POLB: variants seen among roughly 807,000 people sequenced by gnomAD.
POLB encodes 5'-dRP lyase.
In POLB, 37 loss-of-function variants were observed where a neutral mutation model predicts 52.7. The observed-to-expected ratio is 0.70, with a 90% confidence interval of 0.54 to 0.92. The LOEUF is 0.92. Ranked by LOEUF, POLB falls within the 40% of genes least tolerant of loss-of-function variation. The pLI is 0.00. For missense variants in POLB, 313 were observed against 400.8 expected, an observed-to-expected ratio of 0.78 and a Z score of 1.87; for synonymous variants, 138 against 131.3, an observed-to-expected ratio of 1.05 and a Z score of -0.35.
chr8:42,364,625 G>C (rs774398639), intron 11 of POLB, among the ~76,000 whole-genome samples: 6 of 152,192 alleles, frequency 3.9e-5, no homozygotes, highest in Non-Finnish European at 8.8e-5. Context: ...TGATATGACT[G>C]AAAGGAAAGA....
At chr8:42,365,413 A>G (rs1349120159) in intron 11 of POLB, among the ~76,000 whole-genome samples, 3 of 152,190 alleles carry the variant, frequency 2.0e-5, no homozygotes, top group African/African-American at 4.8e-5. Context: ...TGCCCCATGA[A>G]CAGCCTTTTC....
chr8:42,359,060 T>C (rs1823508729), intron 9 of POLB, among the ~76,000 whole-genome samples: 1 of 152,172 alleles, frequency 6.6e-6, no homozygotes, highest in Non-Finnish European at 1.5e-5. Context: ...TTTTGGGGTA[T>C]GTTGTATGGT....
At chr8:42,352,199 C>A (rs1823013704) in intron 5 of POLB, among the ~76,000 whole-genome samples, 1 of 152,294 alleles carries the variant, frequency 6.6e-6, no homozygotes, top group Admixed American at 6.5e-5. Flanking sequence ...TTTCAGCACC[C>A]AGGAAAGTAT....
At chr8:42,356,157 T>C (rs995852960) in intron 7 of POLB, among the ~76,000 whole-genome samples, 3 of 152,240 alleles carry the variant, frequency 2.0e-5, no homozygotes, top group Non-Finnish European at 4.4e-5. Context: ...CTTCTGGCAT[T>C]ATATAGTGTT....
At chr8:42,363,527 CAAAA>C (rs1163249252) in intron 11 of POLB, among the ~76,000 whole-genome samples, 5 of 15,822 alleles carry the variant, frequency 3.2e-4, no homozygotes, top group African/African-American at 8.4e-4. Context: ...GACTCTGTCT[CAAAA>C]AAAAAAAAAA....
chr8:42,338,540 T>G lies in POLB; in HGVS notation c.-85T>G, dbSNP rs1410603230. 2.4e-6 allele frequency: 3 copies of G among 1,256,626 alleles called. No individual in the cohort carries two copies. The highest frequency in any genetic ancestry group is 3.5e-6 in the Non-Finnish European group (3 of 856,822). 77.8% of individuals were successfully genotyped at this position (1,256,626 alleles called of 1,614,324 possible). On this transcript the variant is annotated 5_prime_UTR_variant, in exon 1 of 14. Coordinates refer to ENST00000265421, the MANE Select transcript of POLB (RefSeq NM_002690.3). ...GAGCTGGGTTGCTCCTGCTCCCGTC[T>G]CCAAGTCCTGGTACCTCCTTCAAGC...
chr8:42,349,199 G>T, intron 4 of POLB, 109 bp downstream of exon 4: 1 of 617,324 alleles, frequency 1.6e-6, no homozygotes. Context: ...AGACTCACAG[G>T]AAATGAGGTG....
chr8:42,349,878 T>C, intron 4 of POLB, 129 bp from the exon 5 acceptor site: 1 of 665,332 alleles, frequency 1.5e-6, no homozygotes, highest in Admixed American at 2.4e-5. Flanking sequence ...GTGAATAATT[T>C]TGTGTGGGTC....
rs1392543723 is a variant in POLB, at chr8:42,345,956, C to G, written c.186+937C>G. ...GTTGGTTTTGAGACGGAGTCTCACC[C>G]TGTTGCTCAGGCTGGAGTGCAGTGG... On this transcript the variant is annotated intron_variant, in intron 3 of 13. Transcript: ENST00000265421. 4.6e-5 allele frequency among the ~76,000 whole-genome samples: 7 copies of G among 152,196 alleles called. No individual in the cohort carries two copies. The East Asian group carries it at 1.3e-3, about 29-fold the overall frequency.
Position 42,357,367 on chromosome 8 carries a change from T to C in POLB, c.525T>C (p.Ala175=). 1 of 1,578,118 alleles carries C rather than the reference T, an allele frequency of 6.3e-7. No homozygotes were observed. Among genetic ancestry groups the C allele is most frequent in the Non-Finnish European group, 8.7e-7 (1 of 1,147,544 alleles). Residue 175 remains alanine (A), a synonymous_variant, in exon 9 of 14, where the codon GCT becomes GCC. Transcript: ENST00000265421. ...EVKKVDSEYI[A]TVCGSFRRGA... ...AAAAAGTGGATTCTGAATACATTGC[T>C]ACAGTCTGTGGCAGTTTCAGAAGAG...
In POLB at chr8:42,341,389, C is replaced by A. The variant is rs964212503; in HGVS notation, c.119+2320C>A. Among the ~76,000 whole-genome samples the A allele has an allele frequency of 3.3e-5, 5 of 152,246 alleles. No individual in the cohort carries two copies. The South Asian group carries it at 1.0e-3, about 32-fold the overall frequency. ...CCTGCTCCTTTACTTATAAATATGT[C>A]TTTTCAGATTCATCATCAGTCATGT... is the stretch of plus-strand genomic sequence containing the variant. On this transcript the variant is annotated intron_variant, in intron 2 of 13. Coordinates refer to ENST00000265421, the MANE Select transcript of POLB (RefSeq NM_002690.3).
chr8:42,369,074 G>T (rs1157092772), intron 11 of POLB, 197 bp from the exon 12 acceptor site: 3 of 406,748 alleles, frequency 7.4e-6, no homozygotes, highest in East Asian at 3.8e-5. Flanking sequence ...TTGCAGTTTT[G>T]TGTAGTTCTC....
intron 2 of POLB, among the ~76,000 whole-genome samples, chr8:42,344,188 A>C (rs547832026): frequency 6.7e-6 from 1 of 149,344 alleles, no homozygotes; most frequent in African/African-American, 2.5e-5. Flanking sequence ...TCACGCCTGT[A>C]ATCCTAGCTG....
intron 3 of POLB, among the ~76,000 whole-genome samples, chr8:42,347,335 TTC>T (rs1822688524): frequency 1.6e-5 from 2 of 125,562 alleles, no homozygotes; most frequent in African/African-American, 5.9e-5. Flanking sequence ...TCCTCAGTAA[TTC>T]TAGAAATTAT....
intron 4 of POLB, among the ~76,000 whole-genome samples, chr8:42,349,471 C>A (rs1437908157): frequency 6.6e-6 from 1 of 152,200 alleles, no homozygotes; most frequent in East Asian, 1.9e-4. Flanking sequence ...TCACTGCAAG[C>A]TCCGCCTCCT....
intron 5 of POLB, among the ~76,000 whole-genome samples, chr8:42,351,064 G>A (rs1311618983): frequency 1.3e-5 from 2 of 151,938 alleles, no homozygotes; most frequent in Non-Finnish European, 1.5e-5. Flanking sequence ...TTGTAGAGAA[G>A]AGGTCTCCCT....
At chr8:42,341,620 C>A (rs1822205758) in intron 2 of POLB, 1 of 204,384 alleles carries the variant, frequency 4.9e-6, no homozygotes, top group African/African-American at 2.4e-5. Flanking sequence ...TCCAATCTGT[C>A]ACCAGATTAA....
At chr8:42,357,942 G>C (rs948625472) in intron 9 of POLB, 1 of 152,162 alleles carries the variant, frequency 6.6e-6, no homozygotes, top group Non-Finnish European at 1.5e-5. Flanking sequence ...TGCCAGGATG[G>C]TCTCAATCTC....
In POLB at chr8:42,354,604, C is replaced by T. The variant is rs550190706; in HGVS notation, c.371-912C>T. On this transcript the variant is annotated intron_variant, in intron 6 of 13. Coordinates refer to ENST00000265421, the MANE Select transcript of POLB (RefSeq NM_002690.3). ...CTCTGTCTGCCCAGAAGTACAGTGG[C>T]GCAATCTTGGTTCACTGCAACCTCC... 9 of 509,424 alleles carry T rather than the reference C, an allele frequency of 1.8e-5. 1 individual carries two copies. Among genetic ancestry groups the T allele is most frequent in the South Asian group, 9.6e-5 (6 of 62,316 alleles). The allele number at this position is 509,424 out of a possible 1,614,324, so 31.6% of individuals were successfully genotyped here.
Sources: gnomAD v4.1 joint callset for allele counts (sites outside exome capture counted in the v4.1 genomes callset) on GRCh38, gnomAD v4.1.1 for gene constraint, MANE v1.5 for transcripts, NCBI Gene and HGNC (gene_info 2026-07-23, HGNC 2026-07-21) for gene names.